The following ASTN2 variants were observed in gnomAD, a reference collection of about 807,000 sequenced individuals.
ASTN2 encodes astrotactin-2.
In ASTN2, 54 loss-of-function variants were observed where a neutral mutation model predicts 139.8. The observed-to-expected ratio is 0.39, with a 90% CI of 0.31 to 0.48. The LOEUF (loss-of-function observed/expected upper bound fraction) is 0.48, where lower values mean the gene tolerates loss of function less well. Ranked by LOEUF, ASTN2 falls within the 20% of genes least tolerant of loss-of-function variation. The pLI is 0.95. For missense variants in ASTN2, 1,565 were observed against 1,725.1 expected (o/e 0.91, Z 1.64); for synonymous variants, 756 against 719.5 (o/e 1.05, Z -0.81).
intron 2 of ASTN2, among the ~76,000 whole-genome samples, chr9:117,223,842 T>C (rs1193721434): frequency 6.6e-6 from 1 of 152,174 alleles, no homozygotes. Context: ...GGTGACCTAT[T>C]TAAGAAGTCC....
In ASTN2 at chr9:117,060,480, G is replaced by A. The variant is rs1465600003; in HGVS notation, c.1277-20515C>T. On this transcript the variant is annotated intron_variant, in intron 5 of 22. Transcript: ENST00000313400. ...AGAAAGGAAGGAAGGAAGGAAGGAA[G>A]GAAGGAATGAAAGAAAGAAAGAAAG... 5.8e-3 allele frequency among the ~76,000 whole-genome samples: 481 copies of A among 83,322 alleles called. 29 individuals are homozygous for A. Among genetic ancestry groups the A allele is most frequent in the East Asian group, 0.032 (83 of 2,578 alleles). The allele number at this position is 83,322 out of a possible 152,430, so 54.7% of individuals were successfully genotyped here.
intron 1 of ASTN2, among the ~76,000 whole-genome samples, chr9:117,341,359 C>A (rs1340962075): frequency 2.0e-5 from 3 of 152,052 alleles, no homozygotes; most frequent in African/African-American, 7.2e-5. Context: ...GATGGAGATA[C>A]ACAGACAGAT....
chr9:116,565,385 CTCCATATATATATATATATATATA>C (rs1853153933), intron 19 of ASTN2, among the ~76,000 whole-genome samples: 4 of 30,732 alleles, frequency 1.3e-4, no homozygotes, highest in Non-Finnish European at 2.1e-4. Context: ...CTCTCTCTCT[CTCCATATATATATATATATATATA>C]TATATATATA....
At chr9:116,505,589 T>A (rs999834445) in intron 19 of ASTN2, among the ~76,000 whole-genome samples, 1 of 152,184 alleles carries the variant, frequency 6.6e-6, no homozygotes, top group Non-Finnish European at 1.5e-5. Context: ...AAGGATTCAA[T>A]GTGTAAAATA....
At position 116,461,160 on chromosome 9, in the gene ASTN2, A is replaced by G. The variant is rs573540705; in HGVS notation, c.3498-18607T>C. Among the ~76,000 whole-genome samples, 14 of 152,004 alleles carry G rather than the reference A, an allele frequency of 9.2e-5. No individual in the cohort carries two copies. In the East Asian group the frequency reaches 2.5e-3, roughly 27 times the overall value. The stretch of plus-strand genomic sequence containing the variant: ...ATACCCCAAATGGTACATTTCAAAT[A>G]CAATTTACCCAGCTTTATTTTTCCT... On this transcript the variant is annotated intron_variant, in intron 20 of 22. Coordinates refer to ENST00000313400, the MANE Select transcript of ASTN2 (RefSeq NM_001365068.1).
intron 4 of ASTN2, among the ~76,000 whole-genome samples, chr9:117,113,545 A>T (rs1327465383): frequency 6.6e-6 from 1 of 152,190 alleles, no homozygotes; most frequent in Admixed American, 6.5e-5. Flanking sequence ...AATCCTAGCT[A>T]CTAGGGAGGC....
At chr9:117,165,395 G>A (rs997633839) in intron 3 of ASTN2, among the ~76,000 whole-genome samples, 2 of 152,060 alleles carry the variant, frequency 1.3e-5, no homozygotes, top group East Asian at 3.9e-4. Context: ...AAGGGGCAAG[G>A]CTTAGATTCT....
rs761682659 is a variant in ASTN2, at chr9:116,698,879, G to A, written c.2806+26892C>T. ...TCAATCTTCCAGTCAGTCTCTACGT[G>A]ACCAGTCAAGGTGAAGTACTAGTCG... On this transcript the variant is annotated intron_variant, in intron 16 of 22. Transcript: ENST00000313400. This position sits in a 1 kb window ranked among gnomAD's most constrained non-coding sequence, Gnocchi z 4.4. The A allele has an allele frequency of 1.2e-6, 2 of 1,614,204 alleles. No individual in the cohort carries two copies. The highest frequency in any genetic ancestry group is 2.2e-5 in the South Asian group (2 of 91,072).
intron 10 of ASTN2, among the ~76,000 whole-genome samples, chr9:116,928,062 TCCCTCCCTGTTGCTATC>T (rs1209074841): frequency 6.6e-6 from 1 of 152,140 alleles, no homozygotes; most frequent in Non-Finnish European, 1.5e-5. Flanking sequence ...TGACTCAGCT[TCCCTCCCTGTTGCTATC>T]CCTGATCTCC....
intron 13 of ASTN2, among the ~76,000 whole-genome samples, chr9:116,760,110 A>G (rs1410997896): frequency 2.0e-5 from 3 of 152,194 alleles, no homozygotes; most frequent in Non-Finnish European, 4.4e-5. Context: ...TTATCATTGC[A>G]AAGCACATGT....
Position 116,440,752 on chromosome 9 carries a change from T to C in ASTN2, c.3639A>G (p.Thr1213=), listed in dbSNP as rs376661404. 8 of 1,614,020 alleles carry C rather than the reference T, an allele frequency of 5.0e-6. No homozygotes were observed. Among genetic ancestry groups the C allele is most frequent in the Non-Finnish European group, 6.8e-6 (8 of 1,180,018 alleles). The change falls in exon 22 of 23, where the codon ACA becomes ACG. Residue 1213 remains threonine (T), a synonymous_variant. Coordinates refer to ENST00000313400, the MANE Select transcript of ASTN2 (RefSeq NM_001365068.1). ...AGGCCATCTGCTGCTCCTTTCCACT[T>C]GTGTACCCATTGTACAGATTGTAGA... ...DKIYNLYNGY[T]SGKEQQMAYN...
intron 7 of ASTN2, among the ~76,000 whole-genome samples, chr9:116,993,461 C>T (rs1836917277): frequency 6.7e-6 from 1 of 149,370 alleles, no homozygotes. Flanking sequence ...ACAGGCTTCA[C>T]ACACACACAC....
chr9:117,378,959 T>C (rs1830195760), intron 1 of ASTN2, among the ~76,000 whole-genome samples: 1 of 152,104 alleles, frequency 6.6e-6, no homozygotes, highest in Non-Finnish European at 1.5e-5. Context: ...TGTTTAAAAG[T>C]ATGCACCACC....
intron 5 of ASTN2, among the ~76,000 whole-genome samples, chr9:117,066,959 C>G (rs1473806487): frequency 1.8e-5 from 2 of 111,188 alleles, no homozygotes; most frequent in Non-Finnish European, 3.7e-5. Context: ...TGTAGGTTGC[C>G]TGTTCACTCT....
At chr9:116,864,550 T>G (rs994505145) in intron 10 of ASTN2, among the ~76,000 whole-genome samples, 1 of 152,312 alleles carries the variant, frequency 6.6e-6, no homozygotes, top group South Asian at 2.1e-4. Flanking sequence ...GAGCCTCTGA[T>G]GCTGTCTTCT....
intron 19 of ASTN2, among the ~76,000 whole-genome samples, chr9:116,556,149 A>T (rs573656985): frequency 6.6e-6 from 1 of 152,334 alleles, no homozygotes; most frequent in African/African-American, 2.4e-5. Flanking sequence ...AAATATGAAT[A>T]AATAATTGGA....
At chr9:117,364,221 A>T (rs1333065714) in intron 1 of ASTN2, among the ~76,000 whole-genome samples, 1 of 152,152 alleles carries the variant, frequency 6.6e-6, no homozygotes, top group Non-Finnish European at 1.5e-5. Context: ...TAACTTAGAA[A>T]ATTCAAGACC....
chr9:116,919,738 G>A (rs1373879831), intron 10 of ASTN2, among the ~76,000 whole-genome samples: 2 of 149,096 alleles, frequency 1.3e-5, no homozygotes, highest in Non-Finnish European at 3.0e-5. Flanking sequence ...GATCCCAGGA[G>A]TTTGAGACTA....
At chr9:116,543,944 A>T (rs541269137) in intron 19 of ASTN2, 2 of 152,348 alleles carry the variant, frequency 1.3e-5, no homozygotes, top group East Asian at 3.9e-4. Context: ...CACAAAGCCT[A>T]TGTGACCGGG....
Sources: gnomAD v4.1 joint callset for allele counts (sites outside exome capture counted in the v4.1 genomes callset) on GRCh38, gnomAD v4.1.1 for gene constraint, Gnocchi (gnomAD v3.1) non-coding constraint, MANE v1.5 for transcripts, NCBI Gene and HGNC (gene_info 2026-07-23, HGNC 2026-07-21) for gene names.